Variants in ZNF160 observed in about 807,000 individuals in gnomAD.
ZNF160 encodes zinc finger protein 160.
Under a neutral mutation model 13.1 loss-of-function variants are expected in ZNF160, and 9 were observed. The ratio of observed to expected loss-of-function variants is 0.69; its 90% CI spans 0.41 to 1.20. ZNF160 has a LOEUF of 1.20. Ranked by LOEUF, ZNF160 falls within the 50% of genes most tolerant of loss-of-function variation. The pLI, the probability that ZNF160 is intolerant of heterozygous loss-of-function variation, is 0.01. For missense variants in ZNF160, 838 were observed against 988.0 expected (o/e 0.85, Z 2.04); for synonymous variants, 293 against 333.2 (o/e 0.88, Z 1.31).
chr19:53,079,212 T>C (rs946782779), intron 3 of ZNF160, among the ~76,000 whole-genome samples: 26 of 151,936 alleles, frequency 1.7e-4, no homozygotes, highest in African/African-American at 6.3e-4. Context: ...TCTCAATCGG[T>C]GCAAAAAAAA....
intron 3 of ZNF160, chr19:53,075,941 A>T (rs1024258168): frequency 3.1e-5 from 11 of 354,452 alleles, no homozygotes; most frequent in African/African-American, 2.3e-4. Context: ...CTATATCCAG[A>T]TAGACAGTGT....
chr19:53,085,508 T>G lies in ZNF160; in HGVS notation c.15+754A>C, dbSNP rs897348428. The G allele has an allele frequency of 2.0e-5, 3 of 152,408 alleles. No homozygotes were observed. The East Asian group carries it at 5.8e-4, about 29-fold the overall frequency. The allele number at this position is 152,408 out of a possible 1,614,324, so 9.4% of individuals were successfully genotyped here. A position where few individuals can be genotyped will look rare whatever the true frequency, so the allele number is the denominator to read the frequency against. Reference sequence around the variant, plus strand: ...GTTCAAAATAAAAGAAACAAAATGTTGACTCATAACTGGTAAAACAAAAAT... The same window carrying G: ...GTTCAAAATAAAAGAAACAAAATGTGGACTCATAACTGGTAAAACAAAAAT... On this transcript the variant is annotated intron_variant, in intron 3 of 5. Coordinates refer to ENST00000683776, the MANE Select transcript of ZNF160 (RefSeq NM_001322131.2).
chr19:53,067,517 G>A lies in ZNF160; in HGVS notation c.*560C>T, dbSNP rs1275648264. ...CAATCAATGATCCTTCCATCCCAAT[G>A]ATCTTTCCAAGAAAGCACCATGGAA... On this transcript the variant is annotated 3_prime_UTR_variant, in exon 6 of 6. Coordinates refer to ENST00000683776, the MANE Select transcript of ZNF160 (RefSeq NM_001322131.2). 1 of 152,194 alleles carries A rather than the reference G, an allele frequency of 6.6e-6. No homozygotes were observed. Among genetic ancestry groups the A allele is most frequent in the Non-Finnish European group, 1.5e-5 (1 of 68,118 alleles). The allele number at this position is 152,194 out of a possible 1,614,324, so 9.4% of individuals were successfully genotyped here. A position where few individuals can be genotyped will look rare whatever the true frequency, so the allele number is the denominator to read the frequency against.
intron 3 of ZNF160, among the ~76,000 whole-genome samples, chr19:53,084,471 C>T (rs1001023591): frequency 6.6e-6 from 1 of 152,190 alleles, no homozygotes; most frequent in Non-Finnish European, 1.5e-5. Context: ...ACCTGCATGT[C>T]AGTGACAGAG....
intron 3 of ZNF160, among the ~76,000 whole-genome samples, chr19:53,080,983 T>C (rs1038360963): frequency 1.3e-5 from 2 of 152,152 alleles, no homozygotes; most frequent in African/African-American, 4.8e-5. Flanking sequence ...GGATACCCTA[T>C]TCAATAAGTG....
At position 53,069,826 on chromosome 19, in the gene ZNF160, A is replaced by G; in HGVS notation, c.708T>C (p.His236=). The change falls in exon 6 of 6, where the codon CAT becomes CAC. Residue 236 remains histidine, a synonymous_variant. Coordinates refer to ENST00000683776, the MANE Select transcript of ZNF160 (RefSeq NM_001322131.2). The surrounding 1 kb of genome is among the most constrained non-coding windows in gnomAD (Gnocchi z 4.4). ...TGAGTAATGAAAAATGGTTAAGTTC[A>G]TGATATTTTTTAGACCTGTGGGTTT... ...SVQTHRSKKY[H]ELNHFSLLTQ... is the part of the protein sequence containing the mutation. 1.2e-6 allele frequency: 2 copies of G among 1,614,172 alleles called. No homozygotes were observed. Among genetic ancestry groups the G allele is most frequent in the East Asian group, 2.2e-5 (1 of 44,880 alleles).
intron 3 of ZNF160, 127 bp downstream of exon 3, chr19:53,086,135 G>C: frequency 7.5e-7 from 1 of 1,336,968 alleles, no homozygotes; most frequent in Admixed American, 1.8e-5. Context: ...GGGACTGAGG[G>C]AAGGCGCGGG....
chr19:53,074,721 GA>G (rs2084319077), intron 4 of ZNF160, among the ~76,000 whole-genome samples: 1 of 150,242 alleles, frequency 6.7e-6, no homozygotes, highest in Admixed American at 6.6e-5. Context: ...GAATACCCAG[GA>G]AACATGGTAC....
At chr19:53,084,541 A>G (rs573900855) in intron 3 of ZNF160, among the ~76,000 whole-genome samples, 3 of 152,326 alleles carry the variant, frequency 2.0e-5, no homozygotes, top group South Asian at 2.1e-4. Context: ...AAAATGTAGT[A>G]AAAGTTAAAA....
chr19:53,071,066 T>A (rs544852685), intron 5 of ZNF160, among the ~76,000 whole-genome samples: 1 of 151,848 alleles, frequency 6.6e-6, no homozygotes, highest in African/African-American at 2.4e-5. Flanking sequence ...CGTGGTGGCA[T>A]GCGCCTATAG....
chr19:53,075,078 A>G lies in ZNF160; in HGVS notation c.121T>C (p.Tyr41His), dbSNP rs1357541979. ...TCACCCAGAGAAACAAGGTTCCAGT[A>G]GTTCTCCAACATCACGTCCCTGTAT... ...ILYRDVMLEN[Y>H]WNLVSLGLCH... Residue 41 changes from tyrosine to histidine, a missense_variant, in exon 4 of 6, where the codon TAC (tyrosine) becomes CAC (histidine). Physicochemically the swap from Tyr to His is moderately conservative, Grantham distance 83. This residue lies in a region of ZNF160 where 387 missense variants were observed against 402.3 expected (regional missense o/e 0.96). Transcript: ENST00000683776. 1.2e-6 allele frequency: 2 copies of G among 1,614,182 alleles called. No homozygotes were observed.
intron 3 of ZNF160, chr19:53,085,850 T>C (rs1447131450): frequency 1.9e-6 from 1 of 519,434 alleles, no homozygotes; most frequent in Non-Finnish European, 3.4e-6. Context: ...GCAGGAAAGC[T>C]TTCCCCTTAG....
At chr19:53,087,774 A>ACT (rs1482204569) in intron 2 of ZNF160, among the ~76,000 whole-genome samples, 4 of 151,876 alleles carry the variant, frequency 2.6e-5, no homozygotes, top group Non-Finnish European at 4.4e-5. Context: ...CTGGTCTCAA[A>ACT]CTCCTGGCCT....
intron 4 of ZNF160, among the ~76,000 whole-genome samples, chr19:53,074,797 AT>A (rs2084322199): frequency 1.3e-5 from 2 of 152,194 alleles, no homozygotes; most frequent in Admixed American, 1.3e-4. Context: ...AAAACAGGAA[AT>A]CTGACATTTC....
intron 3 of ZNF160, among the ~76,000 whole-genome samples, chr19:53,081,069 C>A (rs567989871): frequency 6.6e-6 from 1 of 152,194 alleles, no homozygotes; most frequent in Admixed American, 6.5e-5. Flanking sequence ...AAAAAATTAA[C>A]TTGAGATGGA....
Position 53,070,051 on chromosome 19 carries a change from TTC to T in ZNF160, c.481_482del (p.Glu161ArgfsTer2). On this transcript the variant is annotated frameshift_variant, in exon 6 of 6. Transcript: ENST00000683776. LOFTEE classifies it low-confidence loss of function (END_TRUNC). ...TTCTGTCGCGTTGATCTCTTTTACC[TTC>T]TTTCTGGGCCATAAGCACTCCCTTG... ...NYKGVLMAQK[E>X]GKRDQRDRRD... is the part of the protein sequence containing the mutation. 1 of 1,614,132 alleles carries T rather than the reference TTC, an allele frequency of 6.2e-7. No individual in the cohort carries two copies. Among genetic ancestry groups the T allele is most frequent in the Non-Finnish European group, 8.5e-7 (1 of 1,179,996 alleles).
At chr19:53,091,043 C>T (rs10406368) in intron 2 of ZNF160, 52,718 of 151,992 alleles carry the variant, frequency 0.35, 9,415 homozygotes, top group African/African-American at 0.38. Context: ...TGAGGGGATA[C>T]TAAGGTCTAT....
intron 3 of ZNF160, among the ~76,000 whole-genome samples, chr19:53,084,147 AC>A (rs2084740449): frequency 6.6e-6 from 1 of 152,040 alleles, no homozygotes; most frequent in East Asian, 1.9e-4. Context: ...ACTCTCTCCC[AC>A]CCGGAGAGTT....
At chr19:53,100,339 G>C (rs984098769) in intron 1 of ZNF160, among the ~76,000 whole-genome samples, 2 of 152,152 alleles carry the variant, frequency 1.3e-5, no homozygotes, top group Non-Finnish European at 2.9e-5. Flanking sequence ...GGCCGAGCGT[G>C]GTGGCTCACG....
Sources: allele counts gnomAD v4.1 joint callset (sites outside exome capture counted in the v4.1 genomes callset), GRCh38; gene constraint gnomAD v4.1.1; regional missense constraint gnomAD v4.1.1; non-coding constraint Gnocchi (gnomAD v3.1); transcripts MANE v1.5; gene names NCBI Gene and HGNC (gene_info 2026-07-23, HGNC 2026-07-21).